CPT1A: variants seen among roughly 807,000 people sequenced by gnomAD.
CPT1A encodes the protein carnitine palmitoyltransferase 1A.
Under a neutral mutation model 100.8 loss-of-function variants are expected in CPT1A, and 64 were observed. That is an observed-to-expected ratio of 0.63 (90% confidence interval 0.52 to 0.78). CPT1A has a LOEUF of 0.78. Among genes scored for constraint, CPT1A ranks in the 30% least tolerant of loss-of-function variants. The pLI, the probability that CPT1A is intolerant of heterozygous loss-of-function variation, is 0.00. For missense variants in CPT1A, 802 were observed against 1,034.1 expected (o/e 0.78, Z 3.08); for synonymous variants, 363 against 396.0 (o/e 0.92, Z 0.99).
upstream of CPT1A, among the ~76,000 whole-genome samples, chr11:68,842,134 C>T (rs1454614031): frequency 6.6e-6 from 1 of 152,168 alleles, no homozygotes; most frequent in African/African-American, 2.4e-5. Flanking sequence ...TAAAACGAGC[C>T]ATCTCGTGGA....
intron 2 of CPT1A, among the ~76,000 whole-genome samples, chr11:68,813,209 T>A (rs1411127866): frequency 6.6e-6 from 1 of 152,068 alleles, no homozygotes; most frequent in African/African-American, 2.4e-5. Flanking sequence ...TAATAAGATA[T>A]TGATTTCACC....
intron 14 of CPT1A, among the ~76,000 whole-genome samples, chr11:68,765,703 T>C (rs2153995699): frequency 6.6e-6 from 1 of 152,256 alleles, no homozygotes; most frequent in African/African-American, 2.4e-5. Flanking sequence ...TTACTGATGC[T>C]CCCGGCACAG....
intron 13 of CPT1A, chr11:68,773,717 G>A (rs1163960427): frequency 1.2e-5 from 5 of 411,250 alleles, no homozygotes; most frequent in Non-Finnish European, 2.3e-5. Context: ...TGATGGTCAG[G>A]TGGTTGTGAA....
At chr11:68,840,892 G>A (rs998273684) in intron 1 of CPT1A, among the ~76,000 whole-genome samples, 1 of 151,556 alleles carries the variant, frequency 6.6e-6, no homozygotes, top group Non-Finnish European at 1.5e-5. Flanking sequence ...CCCTCCCGCG[G>A]CCCCGCCGCT....
chr11:68,777,596 C>T (rs1041392646), intron 12 of CPT1A, among the ~76,000 whole-genome samples: 1 of 152,230 alleles, frequency 6.6e-6, no homozygotes, highest in Non-Finnish European at 1.5e-5. Flanking sequence ...GTCAGGCCAT[C>T]CTGTCTGCTG....
intron 1 of CPT1A, among the ~76,000 whole-genome samples, chr11:68,828,271 G>A (rs1027054181): frequency 2.6e-5 from 4 of 152,212 alleles, no homozygotes; most frequent in Admixed American, 1.3e-4. Flanking sequence ...CCTCGCCATC[G>A]CTGCCACATC....
intron 9 of CPT1A, among the ~76,000 whole-genome samples, chr11:68,790,705 T>C (rs1855590926): frequency 2.0e-5 from 3 of 152,238 alleles, no homozygotes; most frequent in Non-Finnish European, 2.9e-5. Flanking sequence ...TGGTCATTTA[T>C]TCCAGCAGCC....
chr11:68,797,109 C>T (rs1232304974), intron 6 of CPT1A, among the ~76,000 whole-genome samples, 176 bp from the exon 7 acceptor site: 5 of 151,994 alleles, frequency 3.3e-5, no homozygotes, highest in Non-Finnish European at 7.4e-5. Context: ...AATGCGACAC[C>T]GTGGGAAATG....
chr11:68,762,795 G>C (rs757181492), intron 14 of CPT1A, 34 bp from the exon 15 acceptor site: 10 of 1,613,334 alleles, frequency 6.2e-6, no homozygotes, highest in Non-Finnish European at 8.5e-6. Flanking sequence ...TGCACGGCAG[G>C]GCATGCTGAT....
chr11:68,812,522 C>G lies in CPT1A; in HGVS notation c.196G>C (p.Val66Leu). Residue 66 changes from valine (V) to leucine (L), a missense_variant, in exon 3 of 19, where the codon GTG (valine) becomes CTG (leucine). Around this residue, in one of 4 missense-constraint regions of CPT1A, gnomAD observed 161 missense variants for 183.7 expected, o/e 0.88. Coordinates refer to ENST00000265641, the MANE Select transcript of CPT1A (RefSeq NM_001876.4). ...PASPSSWLIVVVGVMTTMYAK... is the reference protein window; with the variant it reads ...PASPSSWLIVLVGVMTTMYAK... ...TACATCGTTGTCATCACGCCCACCA[C>G]CACGATAAGCCAACTGGAGGGGCTT... 1 of 1,614,204 alleles carries G rather than the reference C, an allele frequency of 6.2e-7. No homozygotes were observed. The highest frequency in any genetic ancestry group is 8.5e-7 in the Non-Finnish European group (1 of 1,180,036).
chr11:68,767,742 C>T (rs144065135), intron 14 of CPT1A, among the ~76,000 whole-genome samples: 1 of 152,286 alleles, frequency 6.6e-6, no homozygotes, highest in East Asian at 1.9e-4. Flanking sequence ...GTGCAAGAAG[C>T]TGCCTTTTTC....
chr11:68,829,104 G>A lies in CPT1A; in HGVS notation c.-14+12671C>T, dbSNP rs77580044. On this transcript the variant is annotated intron_variant, in intron 1 of 18. Coordinates refer to ENST00000265641, the MANE Select transcript of CPT1A (RefSeq NM_001876.4). ...CATCCTCCCCAGGGTTTCTCTTACT[G>A]AGAACGCCGGCACCTGCCCTGCCTG... is the stretch of plus-strand genomic sequence containing the variant. 4.8e-4 allele frequency among the ~76,000 whole-genome samples: 73 copies of A among 152,254 alleles called. 3 individuals carry two copies. In the East Asian group the frequency reaches 7.7e-3, roughly 16 times the overall value.
intron 1 of CPT1A, among the ~76,000 whole-genome samples, chr11:68,837,005 G>A (rs867476930): frequency 2.6e-5 from 4 of 152,148 alleles, no homozygotes; most frequent in South Asian, 4.1e-4. Context: ...TTTATAAAAA[G>A]TCAAATTTCA....
intron 8 of CPT1A, among the ~76,000 whole-genome samples, chr11:68,793,790 A>G (rs917825754): frequency 2.2e-4 from 34 of 151,968 alleles, no homozygotes; most frequent in Non-Finnish European, 3.7e-4. Flanking sequence ...GCAGCAAGCA[A>G]GTTAAGACCA....
At chr11:68,804,344 C>T (rs1447466917) in intron 4 of CPT1A, among the ~76,000 whole-genome samples, 2 of 152,180 alleles carry the variant, frequency 1.3e-5, no homozygotes, top group East Asian at 1.9e-4. Flanking sequence ...TTTACCCGCC[C>T]CATACTTACA....
chr11:68,809,063 AT>A (rs1412810988), intron 3 of CPT1A, among the ~76,000 whole-genome samples: 5 of 152,006 alleles, frequency 3.3e-5, no homozygotes, highest in Non-Finnish European at 5.9e-5. Flanking sequence ...ACACTGCATA[AT>A]ATTTAAGTGG....
Position 68,773,397 on chromosome 11 carries a change from G to A in CPT1A, c.1608C>T (p.Thr536=), listed in dbSNP as rs756997593. Residue 536 remains threonine, a synonymous_variant, in exon 14 of 19, where the codon ACC becomes ACT. Transcript: ENST00000265641. The part of the protein sequence containing the change: ...CQEVIETSLN[T]ANLLANDVDF... ...CCACGTCGTTTGCCAGAAGATTTGC[G>A]GTGTTCAGGGAGGTCTCTATAACCT... 1.3e-5 allele frequency: 21 copies of A among 1,613,914 alleles called. No homozygotes were observed. The Admixed American group carries it at 1.3e-4, about 10-fold the overall frequency.
intron 12 of CPT1A, among the ~76,000 whole-genome samples, chr11:68,780,061 C>A (rs1184745575): frequency 6.6e-6 from 1 of 152,102 alleles, no homozygotes; most frequent in Non-Finnish European, 1.5e-5. Flanking sequence ...TGCTGTGAAG[C>A]TGCGGCCTGA....
intron 6 of CPT1A, among the ~76,000 whole-genome samples, chr11:68,798,338 G>A (rs1404059231): frequency 3.9e-5 from 6 of 152,198 alleles, no homozygotes; most frequent in Non-Finnish European, 8.8e-5. Context: ...TGCAGCCAGC[G>A]AATATGCCCG....
Sources: allele counts gnomAD v4.1 joint callset (sites outside exome capture counted in the v4.1 genomes callset), GRCh38; gene constraint gnomAD v4.1.1; regional missense constraint gnomAD v4.1.1; transcripts MANE v1.5; gene names NCBI Gene and HGNC (gene_info 2026-07-23, HGNC 2026-07-21).